Variants in LPA observed in about 807,000 individuals in gnomAD.
LPA encodes lipoprotein(a), also known as apolipoprotein(a).
LPA carries 199 observed loss-of-function variants against 197.9 expected under a neutral mutation model. The ratio of observed to expected loss-of-function variants is 1.01; its 90% CI spans 0.90 to 1.13. The LOEUF (loss-of-function observed/expected upper bound fraction) is 1.13, where lower values mean the gene tolerates loss of function less well. Among genes scored for constraint, LPA ranks in the 50% most tolerant of loss-of-function variants. LPA has a pLI of 0.00. For synonymous variants in LPA, 715 were observed against 639.5 expected (o/e 1.12, Z -1.78); for missense variants, 1,853 against 1,785.8 (o/e 1.04, Z -0.68).
intron 4 of LPA, among the ~76,000 whole-genome samples, chr6:160,641,077 G>A (rs556137643): frequency 7.2e-6 from 1 of 138,824 alleles, no homozygotes. Context: ...AAAATCTAAA[G>A]TAGCAAACGC....
chr6:160,541,722 C>T (rs1430132272), intron 34 of LPA, among the ~76,000 whole-genome samples: 1 of 152,130 alleles, frequency 6.6e-6, no homozygotes, highest in Non-Finnish European at 1.5e-5. Flanking sequence ...TGGTGTGAGC[C>T]ACTTGGAGCC....
chr6:160,579,708 T>C (rs1778754201), intron 26 of LPA, among the ~76,000 whole-genome samples: 1 of 152,102 alleles, frequency 6.6e-6, no homozygotes, highest in Admixed American at 6.6e-5. Context: ...CTGAGAAAAC[T>C]TGGAACGTAT....
At chr6:160,587,513 A>C (rs1778933520) in intron 24 of LPA, among the ~76,000 whole-genome samples, 2 of 152,092 alleles carry the variant, frequency 1.3e-5, no homozygotes, top group Admixed American at 1.3e-4. Context: ...ACTATGATAT[A>C]TCCCAGTAAA....
intron 24 of LPA, among the ~76,000 whole-genome samples, chr6:160,588,240 C>G (rs1285910051): frequency 6.6e-6 from 1 of 151,490 alleles, no homozygotes; most frequent in South Asian, 2.1e-4. Flanking sequence ...TGTCCCTTGC[C>G]TCTAAGGGGG....
chr6:160,648,928 G>A (rs1165560529), intron 2 of LPA, among the ~76,000 whole-genome samples: 1 of 152,084 alleles, frequency 6.6e-6, no homozygotes, highest in African/African-American at 2.4e-5. Flanking sequence ...CCTCCTGCTT[G>A]TGGGTCACAC....
chr6:160,588,078 C>T (rs908203646), intron 24 of LPA, among the ~76,000 whole-genome samples: 1 of 151,912 alleles, frequency 6.6e-6, no homozygotes, highest in Admixed American at 6.6e-5. Flanking sequence ...ATGTTCTCAC[C>T]AATGTCATCA....
At chr6:160,659,584 G>A (rs765131211) in intron 1 of LPA, among the ~76,000 whole-genome samples, 1 of 152,168 alleles carries the variant, frequency 6.6e-6, no homozygotes, top group Non-Finnish European at 1.5e-5. Context: ...AAGTGGCCAG[G>A]TCCCTTCTTT....
intron 1 of LPA, 150 bp from the exon 2 acceptor site, chr6:160,650,647 A>G (rs1779988837): frequency 5.6e-6 from 4 of 710,502 alleles, no homozygotes; most frequent in Admixed American, 2.1e-5. Flanking sequence ...CAAAAAACCA[A>G]AGGAATAGAT....
At chr6:160,543,070 G>T (rs1778011492) in intron 33 of LPA, among the ~76,000 whole-genome samples, 1 of 152,182 alleles carries the variant, frequency 6.6e-6, no homozygotes, top group African/African-American at 2.4e-5. Context: ...TCTTTTGCAT[G>T]TGAGTCTCTG....
At chr6:160,533,597 A>G (rs1018017480) in intron 37 of LPA, among the ~76,000 whole-genome samples, 5 of 152,234 alleles carry the variant, frequency 3.3e-5, no homozygotes, top group Non-Finnish European at 5.9e-5. Flanking sequence ...CCATAATTAT[A>G]TAGACATATT....
chr6:160,585,270 G>A, intron 25 of LPA, 65 bp from the exon 26 acceptor site: 3 of 1,486,396 alleles, frequency 2.0e-6, no homozygotes, highest in Non-Finnish European at 2.8e-6. Flanking sequence ...AAAAAATTAT[G>A]ACACACAAAG....
At chr6:160,538,835 C>T (rs565133309) in intron 36 of LPA, among the ~76,000 whole-genome samples, 5 of 152,244 alleles carry the variant, frequency 3.3e-5, no homozygotes, top group Non-Finnish European at 7.3e-5. Context: ...AACGTATCAG[C>T]CTATCAGAGA....
At chr6:160,601,303 GA>G (rs368291864) in intron 18 of LPA, among the ~76,000 whole-genome samples, 4 of 151,572 alleles carry the variant, frequency 2.6e-5, no homozygotes, top group Admixed American at 1.3e-4. Context: ...TTTTTTTAAA[GA>G]AAAAAAATCT....
intron 28 of LPA, among the ~76,000 whole-genome samples, chr6:160,563,599 T>A (rs981527005): frequency 1.2e-4 from 19 of 152,250 alleles, no homozygotes; most frequent in Non-Finnish European, 2.4e-4. Context: ...GGTCCAGAGC[T>A]GAATTCACGT....
chr6:160,574,971 C>A (rs1206663740), intron 28 of LPA, among the ~76,000 whole-genome samples: 2 of 152,122 alleles, frequency 1.3e-5, no homozygotes, highest in Non-Finnish European at 2.9e-5. Context: ...AAAGATGTTA[C>A]TTTATTGTTT....
chr6:160,605,470 G>GA (rs1038872866), intron 17 of LPA, among the ~76,000 whole-genome samples: 15 of 152,152 alleles, frequency 9.9e-5, no homozygotes, highest in African/African-American at 3.6e-4. Context: ...TAAAAGCTTA[G>GA]AAAAAAAGGA....
intron 28 of LPA, among the ~76,000 whole-genome samples, chr6:160,564,044 G>A (rs9457939): frequency 0.043 from 6,511 of 152,096 alleles, 475 homozygotes; most frequent in African/African-American, 0.15. Context: ...TCTTTTAATT[G>A]GGGCATTTAG....
chr6:160,575,600 C>T (rs1006595356), intron 28 of LPA, among the ~76,000 whole-genome samples: 2 of 152,150 alleles, frequency 1.3e-5, no homozygotes, highest in African/African-American at 4.8e-5. Flanking sequence ...AGATTTTGCT[C>T]TTAAAATACA....
intron 29 of LPA, 125 bp from the exon 30 acceptor site, chr6:160,556,309 A>G: frequency 1.2e-6 from 1 of 832,958 alleles, no homozygotes. Context: ...TCACAAGCAG[A>G]AGGACATGCT....
Sources: allele counts gnomAD v4.1 joint callset (sites outside exome capture counted in the v4.1 genomes callset), GRCh38; gene constraint gnomAD v4.1.1; transcripts MANE v1.5; gene names NCBI Gene and HGNC (gene_info 2026-07-23, HGNC 2026-07-21).